ATXN7L3B: variants seen among roughly 807,000 people sequenced by gnomAD.
ATXN7L3B encodes ataxin 7 like 3B.
Under a neutral mutation model 6.3 loss-of-function variants are expected in ATXN7L3B, and 4 were observed. The ratio of observed to expected loss-of-function variants is 0.63; its 90% confidence interval spans 0.31 to 1.45. The LOEUF (loss-of-function observed/expected upper bound fraction) is 1.45. Ranked by LOEUF, ATXN7L3B falls within the 40% of genes most tolerant of loss-of-function variation. The pLI is 0.07. For synonymous variants in ATXN7L3B, 63 were observed against 48.0 expected, an observed-to-expected ratio of 1.31 and a Z score of -1.29; for missense variants, 120 against 118.5, an observed-to-expected ratio of 1.01 and a Z score of -0.06.
Position 74,537,891 on chromosome 12 carries a change from C to T in ATXN7L3B, c.-222C>T. On this transcript the variant is annotated 5_prime_UTR_variant, in exon 1 of 1. Coordinates refer to ENST00000519948, the MANE Select transcript of ATXN7L3B (RefSeq NM_001136262.2). ...GCGGTGAGTCCTGGGCCAGGCGCAG[C>T]TGAAAGGCCCGCAACCCGGGAAACG... The T allele has an allele frequency of 1.8e-6, 1 of 563,756 alleles. No individual in the cohort carries two copies. Among genetic ancestry groups the T allele is most frequent in the Non-Finnish European group, 3.2e-6 (1 of 317,048 alleles). The allele number at this position is 563,756 out of a possible 1,614,324, so 34.9% of individuals were successfully genotyped here.
chr12:74,540,947 G>T lies in ATXN7L3B; in HGVS notation c.*2541G>T, dbSNP rs1868878556. On this transcript the variant is annotated 3_prime_UTR_variant, in exon 1 of 1. Transcript: ENST00000519948. ...CCTGCCCTGGATGGGTATAAGGTGG[G>T]CTTGGTCCAACAGGTGCCCAGAGGG... 6.0e-6 allele frequency: 1 copy of T among 167,076 alleles called. No individual in the cohort carries two copies. The highest frequency in any genetic ancestry group is 1.5e-5 in the Non-Finnish European group (1 of 68,170). The allele number at this position is 167,076 out of a possible 1,614,324, so 10.3% of individuals were successfully genotyped here. A position where few individuals can be genotyped will look rare whatever the true frequency, so the allele number is the denominator to read the frequency against.
Position 74,539,227 on chromosome 12 carries a change from C to A in ATXN7L3B, c.*821C>A, listed in dbSNP as rs1036702205. 5 of 167,252 alleles carry A rather than the reference C, an allele frequency of 3.0e-5. No individual in the cohort carries two copies. The highest frequency in any genetic ancestry group is 1.2e-4 in the African/African-American group (5 of 41,568). The allele number at this position is 167,252 out of a possible 1,614,324, so 10.4% of individuals were successfully genotyped here. A position where few individuals can be genotyped will look rare whatever the true frequency, so the allele number is the denominator to read the frequency against. ...CAACTATGCATGATTTCTCAAACTT[C>A]AAGATTCATGTCTGGATGTATTATG... is the stretch of plus-strand genomic sequence containing the variant. On this transcript the variant is annotated 3_prime_UTR_variant, in exon 1 of 1. Coordinates refer to ENST00000519948, the MANE Select transcript of ATXN7L3B (RefSeq NM_001136262.2).
rs1252591050 is a variant in ATXN7L3B at position 74,545,056 on chromosome 12, ACAT to A, written c.*6653_*6655del. On this transcript the variant is annotated 3_prime_UTR_variant, in exon 1 of 1. Transcript: ENST00000519948. ...GATTAAATTTTTTTAAATGGTGATG[ACAT>A]CAACTCTGAAAGGCATATGGAGCAA... The A allele has an allele frequency of 6.6e-6, 1 of 152,102 alleles. No homozygotes were observed. The highest frequency in any genetic ancestry group is 1.5e-5 in the Non-Finnish European group (1 of 67,920). 9.4% of individuals were successfully genotyped at this position (152,102 alleles called of 1,614,324 possible). A position where few individuals can be genotyped will look rare whatever the true frequency, so the allele number is the denominator to read the frequency against.
rs1210112713 is a variant in ATXN7L3B at position 74,539,233 on chromosome 12, T to A, written c.*827T>A. On this transcript the variant is annotated 3_prime_UTR_variant, in exon 1 of 1. Coordinates refer to ENST00000519948, the MANE Select transcript of ATXN7L3B (RefSeq NM_001136262.2). ...TGCATGATTTCTCAAACTTCAAGAT[T>A]CATGTCTGGATGTATTATGCTGTGG... is the stretch of plus-strand genomic sequence containing the variant. The A allele has an allele frequency of 1.8e-5, 3 of 167,136 alleles. No homozygotes were observed. Among genetic ancestry groups the A allele is most frequent in the Admixed American group, 1.3e-4 (2 of 15,296 alleles). 10.4% of individuals were successfully genotyped at this position (167,136 alleles called of 1,614,324 possible). A position where few individuals can be genotyped will look rare whatever the true frequency, so the allele number is the denominator to read the frequency against.
Position 74,543,143 on chromosome 12 carries a change from A to G in ATXN7L3B, c.*4737A>G, listed in dbSNP as rs904723967. ...TTTCCCATTTTTGAAAACATTTTCAATCATATTTCTTGAGACTCATTGGAA... is the reference window on the plus strand; with the variant it reads ...TTTCCCATTTTTGAAAACATTTTCAGTCATATTTCTTGAGACTCATTGGAA... On this transcript the variant is annotated 3_prime_UTR_variant, in exon 1 of 1. Coordinates refer to ENST00000519948, the MANE Select transcript of ATXN7L3B (RefSeq NM_001136262.2). 2.6e-5 allele frequency: 4 copies of G among 152,126 alleles called. No individual in the cohort carries two copies. Among genetic ancestry groups the G allele is most frequent in the Non-Finnish European group, 5.9e-5 (4 of 67,970 alleles). The allele number at this position is 152,126 out of a possible 1,614,324, so 9.4% of individuals were successfully genotyped here. A position where few individuals can be genotyped will look rare whatever the true frequency, so the allele number is the denominator to read the frequency against.
At position 74,543,342 on chromosome 12, in the gene ATXN7L3B, A is replaced by T. The variant is rs1868943583; in HGVS notation, c.*4936A>T. Reference sequence around the variant, plus strand: ...CGGTCTTTGTTGAAGCAATGGAGTAATAAATCAAACGACTAATTAAAAACA... The same window carrying T: ...CGGTCTTTGTTGAAGCAATGGAGTATTAAATCAAACGACTAATTAAAAACA... On this transcript the variant is annotated 3_prime_UTR_variant, in exon 1 of 1. Transcript: ENST00000519948. The T allele has an allele frequency of 6.6e-6, 1 of 152,110 alleles. No individual in the cohort carries two copies. The highest frequency in any genetic ancestry group is 1.5e-5 in the Non-Finnish European group (1 of 67,972). The allele number at this position is 152,110 out of a possible 1,614,324, so 9.4% of individuals were successfully genotyped here. A position where few individuals can be genotyped will look rare whatever the true frequency, so the allele number is the denominator to read the frequency against.
At position 74,539,962 on chromosome 12, in the gene ATXN7L3B, C is replaced by T. The variant is rs1592595958; in HGVS notation, c.*1556C>T. The T allele has an allele frequency of 2.4e-5, 4 of 167,672 alleles. No homozygotes were observed. In the East Asian group the frequency reaches 7.7e-4, roughly 32 times the overall value. 10.4% of individuals were successfully genotyped at this position (167,672 alleles called of 1,614,324 possible). ...TCCTGTCCCCTGCTCCACTGCCTAT[C>T]TGGTGCCCCAGGTGCTGCTTGCCAC... is the stretch of plus-strand genomic sequence containing the variant. On this transcript the variant is annotated 3_prime_UTR_variant, in exon 1 of 1. Transcript: ENST00000519948.
In ATXN7L3B at chr12:74,538,663, AAACACAC is replaced by A. The variant is rs1309667937; in HGVS notation, c.*258_*264del. 1.2e-4 allele frequency: 59 copies of A among 502,556 alleles called. No individual in the cohort carries two copies. Among genetic ancestry groups the A allele is most frequent in the Non-Finnish European group, 1.8e-4 (49 of 269,754 alleles). The allele number at this position is 502,556 out of a possible 1,614,324, so 31.1% of individuals were successfully genotyped here. ...GGCCATGCAGTGCCTGTTGATCTCT[AAACACAC>A]CAGGATGTGCGCAAGATCCTGTAGT... On this transcript the variant is annotated 3_prime_UTR_variant, in exon 1 of 1. Coordinates refer to ENST00000519948, the MANE Select transcript of ATXN7L3B (RefSeq NM_001136262.2).
chr12:74,537,838 AG>A lies in ATXN7L3B; in HGVS notation c.-273del, dbSNP rs1565675408. 2.3e-6 allele frequency: 1 copy of A among 431,764 alleles called. No individual in the cohort carries two copies. The highest frequency in any genetic ancestry group is 4.2e-6 in the Non-Finnish European group (1 of 237,760). The allele number at this position is 431,764 out of a possible 1,614,324, so 26.7% of individuals were successfully genotyped here. ...GACAGGGGAGCGGAAGAGGCCCAGG[AG>A]GCTGGGTGAGGCGCTGAGACGGTTT... On this transcript the variant is annotated 5_prime_UTR_variant, in exon 1 of 1. Transcript: ENST00000519948.
rs1278965982 is a variant in ATXN7L3B, at chr12:74,539,210, C to T, written c.*804C>T. On this transcript the variant is annotated 3_prime_UTR_variant, in exon 1 of 1. Coordinates refer to ENST00000519948, the MANE Select transcript of ATXN7L3B (RefSeq NM_001136262.2). The stretch of plus-strand genomic sequence containing the variant: ...GGTAGCAGGGACCTCTGCAACTATG[C>T]ATGATTTCTCAAACTTCAAGATTCA... 1 of 167,158 alleles carries T rather than the reference C, an allele frequency of 6.0e-6. No individual in the cohort carries two copies. The highest frequency in any genetic ancestry group is 1.5e-5 in the Non-Finnish European group (1 of 68,158). 10.4% of individuals were successfully genotyped at this position (167,158 alleles called of 1,614,324 possible).
rs1413305178 is a variant in ATXN7L3B, at chr12:74,538,799, C to A, written c.*393C>A. ...TCAAGGGCTTCTTGGACAGTTTGGA[C>A]GTTACAGTTCGTCAGGCCGTGATCA... On this transcript the variant is annotated 3_prime_UTR_variant, in exon 1 of 1. Coordinates refer to ENST00000519948, the MANE Select transcript of ATXN7L3B (RefSeq NM_001136262.2). 9.7e-6 allele frequency: 2 copies of A among 206,564 alleles called. No homozygotes were observed. Among genetic ancestry groups the A allele is most frequent in the African/African-American group, 2.3e-5 (1 of 42,736 alleles). The allele number at this position is 206,564 out of a possible 1,614,324, so 12.8% of individuals were successfully genotyped here. A position where few individuals can be genotyped will look rare whatever the true frequency, so the allele number is the denominator to read the frequency against.
At position 74,539,293 on chromosome 12, in the gene ATXN7L3B, G is replaced by C. The variant is rs1248190829; in HGVS notation, c.*887G>C. 1 of 166,582 alleles carries C rather than the reference G, an allele frequency of 6.0e-6. No homozygotes were observed. Among genetic ancestry groups the C allele is most frequent in the Non-Finnish European group, 1.5e-5 (1 of 67,980 alleles). 10.3% of individuals were successfully genotyped at this position (166,582 alleles called of 1,614,324 possible). A position where few individuals can be genotyped will look rare whatever the true frequency, so the allele number is the denominator to read the frequency against. ...TAGTAGGGCGGTCATTTCCTACTCT[G>C]AGTTACTGGTTACCTAGCCAGTCCA... is the stretch of plus-strand genomic sequence containing the variant. On this transcript the variant is annotated 3_prime_UTR_variant, in exon 1 of 1. Coordinates refer to ENST00000519948, the MANE Select transcript of ATXN7L3B (RefSeq NM_001136262.2).
In ATXN7L3B at chr12:74,540,492, G is replaced by A. The variant is rs1417542044; in HGVS notation, c.*2086G>A. The A allele has an allele frequency of 6.0e-6, 1 of 167,188 alleles. No homozygotes were observed. The highest frequency in any genetic ancestry group is 1.5e-5 in the Non-Finnish European group (1 of 68,230). The allele number at this position is 167,188 out of a possible 1,614,324, so 10.4% of individuals were successfully genotyped here. On this transcript the variant is annotated 3_prime_UTR_variant, in exon 1 of 1. Transcript: ENST00000519948. ...GGATTAAGGAAACCATAGAGTTTGG[G>A]CCTTGGAACTGTTACTGCCTTGTCC...
At position 74,544,249 on chromosome 12, in the gene ATXN7L3B, G is replaced by A. The variant is rs1036495159; in HGVS notation, c.*5843G>A. On this transcript the variant is annotated 3_prime_UTR_variant, in exon 1 of 1. Transcript: ENST00000519948. The stretch of plus-strand genomic sequence containing the variant: ...GAAAATAATATTTTCTAATATGTTG[G>A]GAAAATCCCAAGTAAATGGAGAGAA... The A allele has an allele frequency of 2.6e-5, 4 of 151,884 alleles. No homozygotes were observed. Among genetic ancestry groups the A allele is most frequent in the African/African-American group, 9.7e-5 (4 of 41,404 alleles). The allele number at this position is 151,884 out of a possible 1,614,324, so 9.4% of individuals were successfully genotyped here.
Position 74,538,578 on chromosome 12 carries a change from A to C in ATXN7L3B, c.*172A>C. On this transcript the variant is annotated 3_prime_UTR_variant, in exon 1 of 1. Coordinates refer to ENST00000519948, the MANE Select transcript of ATXN7L3B (RefSeq NM_001136262.2). ...TGGATAATTTAGGAATCCTTTTTTT[A>C]AAGTGTATTACCTGGAGCAAGCTCT... The C allele has an allele frequency of 1.5e-6, 1 of 684,128 alleles. No individual in the cohort carries two copies. Among genetic ancestry groups the C allele is most frequent in the Non-Finnish European group, 2.5e-6 (1 of 403,278 alleles). 42.4% of individuals were successfully genotyped at this position (684,128 alleles called of 1,614,324 possible). A position where few individuals can be genotyped will look rare whatever the true frequency, so the allele number is the denominator to read the frequency against.
rs1020015427 is a variant in ATXN7L3B, at chr12:74,537,875, C to G, written c.-238C>G. 2.8e-5 allele frequency: 15 copies of G among 540,196 alleles called. No individual in the cohort carries two copies. In the African/African-American group the frequency reaches 2.9e-4, roughly 10 times the overall value. The allele number at this position is 540,196 out of a possible 1,614,324, so 33.5% of individuals were successfully genotyped here. ...GCGCTGAGACGGTTTGGCGGTGAGTCCTGGGCCAGGCGCAGCTGAAAGGCC... is the reference window on the plus strand; with the variant it reads ...GCGCTGAGACGGTTTGGCGGTGAGTGCTGGGCCAGGCGCAGCTGAAAGGCC... On this transcript the variant is annotated 5_prime_UTR_variant, in exon 1 of 1. Coordinates refer to ENST00000519948, the MANE Select transcript of ATXN7L3B (RefSeq NM_001136262.2).
chr12:74,542,990 T>G lies in ATXN7L3B; in HGVS notation c.*4584T>G, dbSNP rs1868935979. The G allele has an allele frequency of 6.6e-6, 1 of 152,172 alleles. No homozygotes were observed. The highest frequency in any genetic ancestry group is 3.2e-3 in the Middle Eastern group (1 of 316). The allele number at this position is 152,172 out of a possible 1,614,324, so 9.4% of individuals were successfully genotyped here. A position where few individuals can be genotyped will look rare whatever the true frequency, so the allele number is the denominator to read the frequency against. On this transcript the variant is annotated 3_prime_UTR_variant, in exon 1 of 1. Transcript: ENST00000519948. ...CTGTGAAGGATTACGAGCTCTCTGA[T>G]TTTCATTTATGTTCCAAAAGATGCC...
rs552517244 is a variant in ATXN7L3B, at chr12:74,541,877, T to C, written c.*3471T>C. On this transcript the variant is annotated 3_prime_UTR_variant, in exon 1 of 1. Transcript: ENST00000519948. ...TTCTGCCTAATTTTTTTCTCAATAC[T>C]TAAAAAATTACCTCAACACTTTAGA... 2.0e-5 allele frequency: 3 copies of C among 152,292 alleles called. No individual in the cohort carries two copies. Among genetic ancestry groups the C allele is most frequent in the Non-Finnish European group, 2.9e-5 (2 of 68,014 alleles). 9.4% of individuals were successfully genotyped at this position (152,292 alleles called of 1,614,324 possible). A position where few individuals can be genotyped will look rare whatever the true frequency, so the allele number is the denominator to read the frequency against.
chr12:74,541,459 G>A lies in ATXN7L3B; in HGVS notation c.*3053G>A, dbSNP rs1868897674. 1 of 166,478 alleles carries A rather than the reference G, an allele frequency of 6.0e-6. No individual in the cohort carries two copies. The highest frequency in any genetic ancestry group is 1.5e-5 in the Non-Finnish European group (1 of 68,114). 10.3% of individuals were successfully genotyped at this position (166,478 alleles called of 1,614,324 possible). On this transcript the variant is annotated 3_prime_UTR_variant, in exon 1 of 1. Coordinates refer to ENST00000519948, the MANE Select transcript of ATXN7L3B (RefSeq NM_001136262.2). ...ATAAAATTTTAAAAAATGACTACTT[G>A]GTCCTTGGACTCTGTATATTCATCT...
Sources: allele counts gnomAD v4.1 joint callset, GRCh38; gene constraint gnomAD v4.1.1; transcripts MANE v1.5; gene names NCBI Gene and HGNC (gene_info 2026-07-23, HGNC 2026-07-21).